MSH3: variants seen among roughly 807,000 people sequenced by gnomAD.
MSH3 encodes the protein mutS homolog 3, also known as DNA mismatch repair protein Msh3.
A neutral mutation model predicts 123.3 loss-of-function variants in MSH3; 106 were observed. The ratio of observed to expected loss-of-function variants is 0.86; its 90% CI spans 0.73 to 1.01. MSH3 has a LOEUF of 1.01. Among genes scored for constraint, MSH3 ranks in the 50% least tolerant of loss-of-function variants. The pLI, the probability that MSH3 is intolerant of heterozygous loss-of-function variation, is 0.00. For synonymous variants in MSH3, 515 were observed against 481.4 expected, an observed-to-expected ratio of 1.07 and a Z score of -0.91; for missense variants, 1,459 against 1,347.6, an observed-to-expected ratio of 1.08 and a Z score of -1.29.
chr5:80,875,656 A>G (rs1225936970), intron 23 of MSH3, 95 bp from the exon 24 acceptor site: 3 of 739,122 alleles, frequency 4.1e-6, no homozygotes, highest in Non-Finnish European at 7.2e-6. Flanking sequence ...CCTGCCCGGT[A>G]TTCAAGTGTT....
In MSH3 at chr5:80,813,694, T is replaced by C; in HGVS notation, c.2766T>C (p.Val922=). 2 of 1,614,164 alleles carry C rather than the reference T, an allele frequency of 1.2e-6. No homozygotes were observed. Among genetic ancestry groups the C allele is most frequent in the Non-Finnish European group, 1.7e-6 (2 of 1,180,030 alleles). ...ITIMAQIGSY[V]PAEEATIGIV... ...TCATGGCTCAGATTGGCTCCTATGT[T>C]CCTGCAGAAGAAGCGACAATTGGGA... Residue 922 remains valine, a synonymous_variant, in exon 20 of 24, where the codon GTT becomes GTC. Transcript: ENST00000265081.
intron 9 of MSH3, 23 bp downstream of exon 9, chr5:80,725,588 C>G: frequency 6.6e-7 from 1 of 1,511,732 alleles, no homozygotes; most frequent in Non-Finnish European, 9.2e-7. Flanking sequence ...CCTGTATGTC[C>G]TCAAGTTGAA....
In MSH3 at chr5:80,761,342, C is replaced by T. The variant is rs6151795; in HGVS notation, c.1764-204C>T. Among the ~76,000 whole-genome samples the T allele has an allele frequency of 5.8e-3, 882 of 152,248 alleles. 6 individuals are homozygous for T. Among genetic ancestry groups the T allele is most frequent in the African/African-American group, 0.02 (836 of 41,536 alleles). Reference sequence around the variant, plus strand: ...CCAAAGGCGTGAACTTCTGTGTCTCCACCCCAGTGCACCCTCCTCTCAATG... The same window carrying T: ...CCAAAGGCGTGAACTTCTGTGTCTCTACCCCAGTGCACCCTCCTCTCAATG... On this transcript the variant is annotated intron_variant, in intron 12 of 23. Coordinates refer to ENST00000265081, the MANE Select transcript of MSH3 (RefSeq NM_002439.5).
Position 80,728,890 on chromosome 5 carries a change from C to G in MSH3, c.1493C>G (p.Pro498Arg), listed in dbSNP as rs1743353099. 1.2e-6 allele frequency: 2 copies of G among 1,611,576 alleles called. No individual in the cohort carries two copies. The highest frequency in any genetic ancestry group is 1.7e-6 in the Non-Finnish European group (2 of 1,178,108). ...TCTGGCATTGTTAACTTAGAGAAGCCTGTGATTTGCTCTTTGGCTGCCATC... is the reference window on the plus strand; with the variant it reads ...TCTGGCATTGTTAACTTAGAGAAGCGTGTGATTTGCTCTTTGGCTGCCATC... ...IISGIVNLEKPVICSLAAIIK... is the reference protein window; with the variant it reads ...IISGIVNLEKRVICSLAAIIK... Residue 498 changes from proline to arginine, a missense_variant, in exon 10 of 24, where the codon CCT (proline) becomes CGT (arginine). Coordinates refer to ENST00000265081, the MANE Select transcript of MSH3 (RefSeq NM_002439.5).
chr5:80,729,001 C>A, intron 10 of MSH3, 36 bp downstream of exon 10: 2 of 1,154,156 alleles, frequency 1.7e-6, no homozygotes, highest in Non-Finnish European at 1.3e-6. Flanking sequence ...AAAGGGGGAG[C>A]TTATATTATG....
At chr5:80,830,504 T>C (rs1376425120) in intron 20 of MSH3, among the ~76,000 whole-genome samples, 1 of 152,258 alleles carries the variant, frequency 6.6e-6, no homozygotes, top group Non-Finnish European at 1.5e-5. Context: ...ATTCATCTTA[T>C]TGATTTATCT....
At chr5:80,796,685 T>C (rs1247197746) in intron 19 of MSH3, among the ~76,000 whole-genome samples, 2 of 152,248 alleles carry the variant, frequency 1.3e-5, no homozygotes. Context: ...CTGTATTCTG[T>C]ATTACATGAA....
chr5:80,776,048 C>G (rs1347075693), intron 16 of MSH3, among the ~76,000 whole-genome samples: 1 of 151,908 alleles, frequency 6.6e-6, no homozygotes, highest in Non-Finnish European at 1.5e-5. Flanking sequence ...CACTACAACC[C>G]CCGGCTAATT....
intron 8 of MSH3, among the ~76,000 whole-genome samples, chr5:80,687,480 C>T (rs1402263926): frequency 6.6e-6 from 1 of 152,098 alleles, no homozygotes; most frequent in Non-Finnish European, 1.5e-5. Context: ...GAAATGAGAG[C>T]TTCCTGAGCA....
rs1268841150 is a variant in MSH3, at chr5:80,725,467, G to A, written c.1355G>A (p.Arg452Lys). The A allele has an allele frequency of 1.2e-6, 2 of 1,613,372 alleles. No individual in the cohort carries two copies. Among genetic ancestry groups the A allele is most frequent in the South Asian group, 1.1e-5 (1 of 91,064 alleles). ...TTTTCTTTCAGTGTGCAGGATGACA[G>A]AATTCGAGTCGAAAGGATGGATAAC... ...RATSVSVQDD[R>K]IRVERMDNIY... Residue 452 changes from arginine to lysine, a missense_variant, in exon 9 of 24, where the codon AGA (arginine) becomes AAA (lysine). Physicochemically the swap from Arg to Lys is conservative, Grantham distance 26. Coordinates refer to ENST00000265081, the MANE Select transcript of MSH3 (RefSeq NM_002439.5).
intron 11 of MSH3, among the ~76,000 whole-genome samples, chr5:80,743,211 A>G (rs1468067873): frequency 6.6e-6 from 1 of 151,894 alleles, no homozygotes; most frequent in Admixed American, 6.6e-5. Context: ...TGGCCTCCTC[A>G]CGGGACCCTT....
At chr5:80,729,022 A>T in intron 10 of MSH3, 57 bp downstream of exon 10, 1 of 1,033,120 alleles carries the variant, frequency 9.7e-7, no homozygotes, top group Non-Finnish European at 1.5e-6. Context: ...AACATTTCTT[A>T]AATTGAATTT....
At chr5:80,717,045 T>G (rs1348580238) in intron 8 of MSH3, among the ~76,000 whole-genome samples, 1 of 152,206 alleles carries the variant, frequency 6.6e-6, no homozygotes, top group African/African-American at 2.4e-5. Context: ...GTTTCATTTT[T>G]TGGGGGGGGC....
At chr5:80,678,338 A>G (rs1749887330) in intron 7 of MSH3, among the ~76,000 whole-genome samples, 2 of 152,110 alleles carry the variant, frequency 1.3e-5, no homozygotes. Flanking sequence ...GATGTTAGGG[A>G]GCAGGTTCAA....
At chr5:80,862,841 A>G (rs1334723755) in intron 21 of MSH3, among the ~76,000 whole-genome samples, 1 of 152,230 alleles carries the variant, frequency 6.6e-6, no homozygotes, top group African/African-American at 2.4e-5. Flanking sequence ...GGAAAAGTGA[A>G]ACCTCTGCTT....
chr5:80,654,905 GCCGCAGCGCCCCCAGCGCCCCCAGCTC>G lies in MSH3; in HGVS notation c.183_209del (p.Ala62_Ala70del). 1 of 1,494,090 alleles carries G rather than the reference GCCGCAGCGCCCCCAGCGCCCCCAGCTC, an allele frequency of 6.7e-7. No homozygotes were observed. 92.6% of individuals were successfully genotyped at this position (1,494,090 alleles called of 1,614,324 possible). ...TGCAGCGGCTGCAGCGGCCGCAGCGGCCGCAGCGCCCCCAGCGCCCCCAGCTCCCGCCTTCCCGCCCCAGCTGCCGCC... is the reference window on the plus strand; with the variant it reads ...TGCAGCGGCTGCAGCGGCCGCAGCGGCCGCCTTCCCGCCCCAGCTGCCGCC... On this transcript the variant is annotated inframe_deletion, in exon 1 of 24. Coordinates refer to ENST00000265081, the MANE Select transcript of MSH3 (RefSeq NM_002439.5).
intron 22 of MSH3, among the ~76,000 whole-genome samples, chr5:80,870,205 A>G (rs1479782152): frequency 6.6e-6 from 1 of 151,670 alleles, no homozygotes; most frequent in East Asian, 1.9e-4. Flanking sequence ...TTCATTAACA[A>G]ATTTTTGGAT....
intron 21 of MSH3, among the ~76,000 whole-genome samples, chr5:80,858,928 A>G (rs1745964802): frequency 6.6e-6 from 1 of 152,096 alleles, no homozygotes; most frequent in Non-Finnish European, 1.5e-5. Flanking sequence ...GTCTTCTTGG[A>G]CATAAGACAT....
intron 10 of MSH3, among the ~76,000 whole-genome samples, chr5:80,734,296 G>A (rs890792687): frequency 6.6e-6 from 1 of 152,170 alleles, no homozygotes; most frequent in African/African-American, 2.4e-5. Flanking sequence ...GGGCTCTTGG[G>A]TTGTTGGGGG....
Sources: gnomAD v4.1 joint callset for allele counts (sites outside exome capture counted in the v4.1 genomes callset) on GRCh38, gnomAD v4.1.1 for gene constraint, MANE v1.5 for transcripts, NCBI Gene and HGNC (gene_info 2026-07-23, HGNC 2026-07-21) for gene names.